Variants in PANK2 observed in about 807,000 individuals in gnomAD.
The protein encoded by PANK2 is pantothenate kinase 2, mitochondrial.
PANK2 carries 36 observed loss-of-function variants against 43.1 expected under a neutral mutation model. That is an observed-to-expected ratio of 0.84 (90% CI 0.64 to 1.10). PANK2 has a LOEUF of 1.10. Among genes scored for constraint, PANK2 ranks in the 50% least tolerant of loss-of-function variants. The pLI, the probability that PANK2 is intolerant of heterozygous loss-of-function variation, is 0.00. For missense variants in PANK2, 576 were observed against 593.3 expected, an observed-to-expected ratio of 0.97 and a Z score of 0.30; for synonymous variants, 281 against 238.2, an observed-to-expected ratio of 1.18 and a Z score of -1.66.
intron 1 of PANK2, among the ~76,000 whole-genome samples, chr20:3,907,251 G>C (rs2090402919): frequency 6.6e-6 from 1 of 151,898 alleles, no homozygotes; most frequent in Admixed American, 6.6e-5. Flanking sequence ...ACAGGTGCAC[G>C]TCACCATGCC....
rs139246344 is a variant in PANK2, at chr20:3,899,094, T to G, written c.299-8832T>G. 9.4e-3 allele frequency among the ~76,000 whole-genome samples: 1,432 copies of G among 151,988 alleles called. 19 individuals carry two copies. The highest frequency in any genetic ancestry group is 0.033 in the African/African-American group (1,361 of 41,526). ...TTTCACCATCTTGGCCAGGCTGGTCTCAAACTCCTGACCCCGTGATCCACC... is the reference window on the plus strand; with the variant it reads ...TTTCACCATCTTGGCCAGGCTGGTCGCAAACTCCTGACCCCGTGATCCACC... On this transcript the variant is annotated intron_variant, in intron 1 of 6. Coordinates refer to ENST00000610179, the MANE Select transcript of PANK2 (RefSeq NM_001386393.1).
At chr20:3,916,632 A>G (rs572013087) in intron 4 of PANK2, among the ~76,000 whole-genome samples, 3 of 152,280 alleles carry the variant, frequency 2.0e-5, no homozygotes, top group East Asian at 1.9e-4. Flanking sequence ...TGCAGGAGCA[A>G]TGGTGCCTTC....
chr20:3,908,411 C>T (rs1395477457), intron 2 of PANK2, 133 bp downstream of exon 2: 7 of 911,266 alleles, frequency 7.7e-6, no homozygotes, highest in South Asian at 3.2e-5. Context: ...ATTAAAGGTA[C>T]GCTAGTGATA....
chr20:3,919,701 C>A (rs2090618636), intron 6 of PANK2, among the ~76,000 whole-genome samples: 1 of 151,616 alleles, frequency 6.6e-6, no homozygotes, highest in African/African-American at 2.4e-5. Context: ...GTTCTTTCTT[C>A]CCTTCTTGGT....
At chr20:3,892,447 T>G (rs1454050946) in intron 1 of PANK2, among the ~76,000 whole-genome samples, 2 of 117,998 alleles carry the variant, frequency 1.7e-5, no homozygotes, top group Admixed American at 1.8e-4. Flanking sequence ...TAAATCTTTT[T>G]TATTTATTGT....
chr20:3,889,864 C>T lies in PANK2; in HGVS notation c.298+136C>T, dbSNP rs1381062259. 4.6e-6 allele frequency: 7 copies of T among 1,531,618 alleles called. No homozygotes were observed. In the Admixed American group the frequency reaches 5.9e-5, roughly 13 times the overall value. The allele number at this position is 1,531,618 out of a possible 1,614,324, so 94.9% of individuals were successfully genotyped here. A position where few individuals can be genotyped will look rare whatever the true frequency, so the allele number is the denominator to read the frequency against. ...ACGGTGGTCCCTCGTTGGTGCGTGG[C>T]CTGACATCCGGCTGGAGGCCTCGGG... is the stretch of plus-strand genomic sequence containing the variant. On this transcript the variant is annotated intron_variant, in intron 1 of 6. Coordinates refer to ENST00000610179, the MANE Select transcript of PANK2 (RefSeq NM_001386393.1).
In PANK2 at chr20:3,926,682, G is replaced by C. The variant is rs989694602; in HGVS notation, c.*3388G>C. The C allele has an allele frequency of 6.5e-6, 1 of 152,722 alleles. No homozygotes were observed. The highest frequency in any genetic ancestry group is 1.5e-5 in the Non-Finnish European group (1 of 68,506). The allele number at this position is 152,722 out of a possible 1,614,324, so 9.5% of individuals were successfully genotyped here. On this transcript the variant is annotated 3_prime_UTR_variant, in exon 7 of 7. Transcript: ENST00000610179. ...TGGCCAGGTGCAATGGCTCATGCCT[G>C]TAATCCCAGCACTTTGGAAGGCCAA...
upstream of PANK2, chr20:3,888,796 T>C: frequency 2.6e-6 from 1 of 380,792 alleles, no homozygotes; most frequent in Non-Finnish European, 4.8e-6. Flanking sequence ...TTCTGGTACC[T>C]CTCTCTCCAA....
At chr20:3,894,721 G>A (rs541588319) in intron 1 of PANK2, among the ~76,000 whole-genome samples, 2 of 152,256 alleles carry the variant, frequency 1.3e-5, no homozygotes, top group East Asian at 3.9e-4. Context: ...TGGGACTACA[G>A]GTGTGTGCCA....
At chr20:3,920,878 T>C (rs2090635953) in intron 6 of PANK2, among the ~76,000 whole-genome samples, 1 of 152,106 alleles carries the variant, frequency 6.6e-6, no homozygotes, top group South Asian at 2.1e-4. Context: ...ACCGATATCA[T>C]CATAATAGTT....
At chr20:3,906,499 A>C (rs772441039) in intron 1 of PANK2, among the ~76,000 whole-genome samples, 1 of 152,188 alleles carries the variant, frequency 6.6e-6, no homozygotes, top group Non-Finnish European at 1.5e-5. Context: ...AGCTTAGCCA[A>C]ACCTACCTTA....
At chr20:3,920,220 A>G (rs1342890633) in intron 6 of PANK2, among the ~76,000 whole-genome samples, 1 of 151,842 alleles carries the variant, frequency 6.6e-6, no homozygotes, top group Non-Finnish European at 1.5e-5. Context: ...TTAACCTTAA[A>G]AAAAAAATAG....
At chr20:3,894,804 A>G (rs182302247) in intron 1 of PANK2, among the ~76,000 whole-genome samples, 5 of 152,244 alleles carry the variant, frequency 3.3e-5, no homozygotes, top group Admixed American at 3.3e-4. Context: ...ATATATAATA[A>G]ATACTAAGCA....
intron 1 of PANK2, among the ~76,000 whole-genome samples, chr20:3,892,673 C>CAAAAAAA (rs763721845): frequency 9.6e-6 from 1 of 104,372 alleles, no homozygotes; most frequent in Non-Finnish European, 1.8e-5. Flanking sequence ...GACTCTGTCT[C>CAAAAAAA]AAAAAAAAAA....
At chr20:3,907,681 G>T (rs2090408445) in intron 1 of PANK2, among the ~76,000 whole-genome samples, 1 of 152,026 alleles carries the variant, frequency 6.6e-6, no homozygotes, top group South Asian at 2.1e-4. Flanking sequence ...GTTTGCGCTT[G>T]TCTGACAGAA....
At chr20:3,905,593 CGCCTCG>C (rs1356880725) in intron 1 of PANK2, among the ~76,000 whole-genome samples, 2 of 151,508 alleles carry the variant, frequency 1.3e-5, no homozygotes, top group African/African-American at 4.9e-5. Context: ...ATGATCCTCC[CGCCTCG>C]GCCTCCCAAA....
rs888604000 is a variant in PANK2 at position 3,928,098 on chromosome 20, C to T, written c.*4804C>T. 7 of 152,164 alleles carry T rather than the reference C, an allele frequency of 4.6e-5. No individual in the cohort carries two copies. The highest frequency in any genetic ancestry group is 1.7e-4 in the African/African-American group (7 of 41,442). 9.4% of individuals were successfully genotyped at this position (152,164 alleles called of 1,614,324 possible). Reference sequence around the variant, plus strand: ...TAAAGAACCGTGAACCAGCATTTTCCAGTTATCAACTGGATATTTAGGCAT... The same window carrying T: ...TAAAGAACCGTGAACCAGCATTTTCTAGTTATCAACTGGATATTTAGGCAT... On this transcript the variant is annotated 3_prime_UTR_variant, in exon 7 of 7. Coordinates refer to ENST00000610179, the MANE Select transcript of PANK2 (RefSeq NM_001386393.1).
chr20:3,894,442 G>C (rs2090172780), intron 1 of PANK2, among the ~76,000 whole-genome samples: 1 of 151,464 alleles, frequency 6.6e-6, no homozygotes, highest in Non-Finnish European at 1.5e-5. Context: ...GTTTCTCCAT[G>C]TTGGTCAGGC....
upstream of PANK2, chr20:3,888,946 G>A: frequency 7.0e-6 from 4 of 569,402 alleles, no homozygotes; most frequent in South Asian, 8.5e-5. Context: ...GACGACCAGC[G>A]GCCAGACGCT....
Sources: gnomAD v4.1 joint callset for allele counts (sites outside exome capture counted in the v4.1 genomes callset) on GRCh38, gnomAD v4.1.1 for gene constraint, MANE v1.5 for transcripts, NCBI Gene and HGNC (gene_info 2026-07-23, HGNC 2026-07-21) for gene names.